Variants in ZNF285 observed in about 807,000 individuals in gnomAD.
The protein encoded by ZNF285 is zinc finger protein 285A.
In ZNF285, 4 loss-of-function variants were observed where a neutral mutation model predicts 6.2. That is an observed-to-expected ratio of 0.65 (90% CI 0.32 to 1.49). The LOEUF is 1.49. Ranked by LOEUF, ZNF285 falls within the 40% of genes most tolerant of loss-of-function variation. The pLI is 0.07. For missense variants in ZNF285, 695 were observed against 708.8 expected, an observed-to-expected ratio of 0.98 and a Z score of 0.22; for synonymous variants, 240 against 245.8, an observed-to-expected ratio of 0.98 and a Z score of 0.22.
At chr19:44,398,388 T>G (rs1405004534) in intron 1 of ZNF285, among the ~76,000 whole-genome samples, 1 of 152,096 alleles carries the variant, frequency 6.6e-6, no homozygotes, top group Non-Finnish European at 1.5e-5. Context: ...CAGCAAGAGA[T>G]CCAGGGAAGG....
At position 44,390,727 on chromosome 19, in the gene ZNF285, C is replaced by A. The variant is rs1160255205; in HGVS notation, c.142+1613G>T. On this transcript the variant is annotated intron_variant, in intron 3 of 3. Coordinates refer to ENST00000614994, the MANE Select transcript of ZNF285 (RefSeq NM_152354.6). ...GGCTGTGTCCCCACCCAAATCTCAT[C>A]TTGAATTGTAACTCCCAAAATTCCC... is the stretch of plus-strand genomic sequence containing the variant. 2.6e-5 allele frequency among the ~76,000 whole-genome samples: 4 copies of A among 151,984 alleles called. No individual in the cohort carries two copies. The East Asian group carries it at 7.8e-4, about 29-fold the overall frequency.
intron 2 of ZNF285, chr19:44,396,803 C>T (rs372763316): frequency 4.9e-6 from 1 of 203,864 alleles, no homozygotes; most frequent in Non-Finnish European, 1.0e-5. Context: ...TCAAATCTTG[C>T]TACTTATTGA....
intron 3 of ZNF285, among the ~76,000 whole-genome samples, chr19:44,391,976 T>C (rs13346344): frequency 0.031 from 4,786 of 152,214 alleles, 223 homozygotes; most frequent in East Asian, 0.13. Flanking sequence ...ATTGGTTTTT[T>C]TCTCCAGAAG....
At position 44,382,689 on chromosome 19, in the gene ZNF285, C is replaced by G. The variant is rs1971021950; in HGVS notation, c.*3783G>C. The stretch of plus-strand genomic sequence containing the variant: ...GGGCCTGGGTGAAGCAGGAAATAGA[C>G]CACACCTCACCGCTATGTTTTTATC... On this transcript the variant is annotated 3_prime_UTR_variant, in exon 4 of 4. Transcript: ENST00000614994. 1 of 152,218 alleles carries G rather than the reference C, an allele frequency of 6.6e-6. No homozygotes were observed. Among genetic ancestry groups the G allele is most frequent in the Admixed American group, 6.6e-5 (1 of 15,260 alleles). 9.4% of individuals were successfully genotyped at this position (152,218 alleles called of 1,614,324 possible). A position where few individuals can be genotyped will look rare whatever the true frequency, so the allele number is the denominator to read the frequency against.
chr19:44,388,977 T>C (rs1169499319), intron 3 of ZNF285, among the ~76,000 whole-genome samples: 1 of 143,112 alleles, frequency 7.0e-6, no homozygotes, highest in Non-Finnish European at 1.5e-5. Flanking sequence ...TTGTGAAATA[T>C]GATCCTGGCG....
chr19:44,394,728 CA>C (rs2123281571), intron 2 of ZNF285, among the ~76,000 whole-genome samples: 1 of 152,222 alleles, frequency 6.6e-6, no homozygotes, highest in African/African-American at 2.4e-5. Context: ...AGGTTTCAAA[CA>C]AAAGTTGTAA....
intron 2 of ZNF285, 24 bp from the exon 3 acceptor site, chr19:44,392,490 G>A (rs561979893): frequency 1.9e-5 from 30 of 1,613,638 alleles, no homozygotes; most frequent in African/African-American, 6.7e-5. Flanking sequence ...CACATGCCAC[G>A]TCAATCATCC....
chr19:44,387,110 T>C lies in ZNF285; in HGVS notation c.1135A>G (p.Lys379Glu), dbSNP rs1229789042. ...KKPYKCEECG[K>E]GFDQSSNLLV... is the part of the protein sequence containing the mutation. ...AGGTTGGAGCTCTGATCAAAGCCCTTCCCACACTCTTCACATTTATAGGGC... is the reference window on the plus strand; with the variant it reads ...AGGTTGGAGCTCTGATCAAAGCCCTCCCCACACTCTTCACATTTATAGGGC... The change falls in exon 4 of 4, where the codon AAG (lysine) becomes GAG (glutamate). Residue 379 changes from lysine (K) to glutamate (E), a missense_variant. Physicochemically the swap from Lys to Glu is moderately conservative, Grantham distance 56. Coordinates refer to ENST00000614994, the MANE Select transcript of ZNF285 (RefSeq NM_152354.6). 1 of 1,614,204 alleles carries C rather than the reference T, an allele frequency of 6.2e-7. No homozygotes were observed. Among genetic ancestry groups the C allele is most frequent in the Non-Finnish European group, 8.5e-7 (1 of 1,180,022 alleles).
At chr19:44,397,514 C>A (rs1971302285) in intron 1 of ZNF285, among the ~76,000 whole-genome samples, 2 of 152,152 alleles carry the variant, frequency 1.3e-5, no homozygotes, top group Admixed American at 1.3e-4. Context: ...TTTTCCTTTT[C>A]TGAGACTTGT....
rs1171251908 is a variant in ZNF285 at position 44,387,644 on chromosome 19, CTCCT to C, written c.597_600del (p.Gly200ArgfsTer15). The C allele has an allele frequency of 1.2e-6, 2 of 1,613,892 alleles. No homozygotes were observed. Among genetic ancestry groups the C allele is most frequent in the Non-Finnish European group, 1.7e-6 (2 of 1,179,842 alleles). ...CAGCTGGGATGTCTACCAGGGTCCT[CTCCT>C]TTACATTCTTGGGACTCATGATGAT... On this transcript the variant is annotated frameshift_variant, in exon 4 of 4. Transcript: ENST00000614994. LOFTEE classifies it low-confidence loss of function (END_TRUNC).
chr19:44,397,656 G>A (rs1192498470), intron 1 of ZNF285, among the ~76,000 whole-genome samples: 2 of 152,066 alleles, frequency 1.3e-5, no homozygotes, highest in African/African-American at 2.4e-5. Context: ...AACCCGAGAC[G>A]GGTGGATCAC....
At chr19:44,395,792 C>T (rs1038933994) in intron 2 of ZNF285, among the ~76,000 whole-genome samples, 13 of 152,110 alleles carry the variant, frequency 8.5e-5, no homozygotes, top group African/African-American at 3.1e-4. Context: ...TGATAATGTG[C>T]CAGTTCTAAA....
intron 2 of ZNF285, chr19:44,392,728 G>T: frequency 1.6e-6 from 1 of 619,416 alleles, no homozygotes; most frequent in South Asian, 1.6e-5. Context: ...CTCTGTTGAG[G>T]CTCTCATAAG....
intron 1 of ZNF285, 149 bp from the exon 2 acceptor site, chr19:44,397,405 C>T (rs1328496330): frequency 2.3e-6 from 2 of 855,330 alleles, no homozygotes; most frequent in East Asian, 5.3e-5. Flanking sequence ...CTCCCACCTC[C>T]TCAAGACTTC....
chr19:44,392,430 T>G lies in ZNF285; in HGVS notation c.52A>C (p.Thr18Pro), dbSNP rs572650351. The G allele has an allele frequency of 1.7e-5, 27 of 1,613,854 alleles. No homozygotes were observed. In the African/African-American group the frequency reaches 3.6e-4, roughly 22 times the overall value. ...VTFKDVAVVF[T>P]KEELALLDKA... ...TCCAATAGTGCCAGCTCTTCCTTGG[T>G]GAAGACAACAGCCACATCCTTGAAT... The change falls in exon 3 of 4, where the codon ACC becomes CCC. Residue 18 changes from threonine to proline, a missense_variant. By Grantham distance (38) the Thr-to-Pro change is conservative. Coordinates refer to ENST00000614994, the MANE Select transcript of ZNF285 (RefSeq NM_152354.6).
rs1350492083 is a variant in ZNF285, at chr19:44,401,583, A to G, written c.-59T>C. On this transcript the variant is annotated 5_prime_UTR_variant, in exon 1 of 4. Coordinates refer to ENST00000614994, the MANE Select transcript of ZNF285 (RefSeq NM_152354.6). ...CGGGACTCACCCCAGCGTCCCAAAC[A>G]ATGTCGCCCGCAGCGTGCGTCCAGT... 6.6e-6 allele frequency: 1 copy of G among 152,246 alleles called. No homozygotes were observed. Among genetic ancestry groups the G allele is most frequent in the Non-Finnish European group, 1.5e-5 (1 of 68,098 alleles). The allele number at this position is 152,246 out of a possible 1,614,324, so 9.4% of individuals were successfully genotyped here.
At chr19:44,390,244 T>A (rs562575696) in intron 3 of ZNF285, among the ~76,000 whole-genome samples, 1 of 152,112 alleles carries the variant, frequency 6.6e-6, no homozygotes, top group Admixed American at 6.5e-5. Context: ...CACCAGCCCA[T>A]GAAAGCAGCC....
At position 44,386,669 on chromosome 19, in the gene ZNF285, C is replaced by G; in HGVS notation, c.1576G>C (p.Asp526His). Reference sequence around the variant, plus strand: ...TGGACTCTGAGGTGAACATTAAGATCTGAATTCCGGCTGAAGCCTTTACCA... The same window carrying G: ...TGGACTCTGAGGTGAACATTAAGATGTGAATTCCGGCTGAAGCCTTTACCA... ...ECGKGFSRNS[D>H]LNVHLRVHTG... The change falls in exon 4 of 4, where the codon GAT (aspartate) becomes CAT (histidine). Residue 526 changes from aspartate (D) to histidine (H), a missense_variant. By Grantham distance (81) the Asp-to-His change is moderately conservative (BLOSUM62 -1). Coordinates refer to ENST00000614994, the MANE Select transcript of ZNF285 (RefSeq NM_152354.6). 1 of 1,614,136 alleles carries G rather than the reference C, an allele frequency of 6.2e-7. No individual in the cohort carries two copies. Among genetic ancestry groups the G allele is most frequent in the African/African-American group, 1.3e-5 (1 of 75,040 alleles).
intron 1 of ZNF285, among the ~76,000 whole-genome samples, chr19:44,397,999 G>T (rs993358423): frequency 2.0e-5 from 3 of 151,986 alleles, no homozygotes; most frequent in Non-Finnish European, 4.4e-5. Context: ...CAAGCCTGTG[G>T]TCTAAAGAAC....
Sources: gnomAD v4.1 joint callset for allele counts (sites outside exome capture counted in the v4.1 genomes callset) on GRCh38, gnomAD v4.1.1 for gene constraint, MANE v1.5 for transcripts, NCBI Gene and HGNC (gene_info 2026-07-23, HGNC 2026-07-21) for gene names.